The following MGAM variants were observed in gnomAD, a reference collection of about 807,000 sequenced individuals.
MGAM encodes maltase-glucoamylase.
In MGAM, 253 loss-of-function variants were observed where a neutral mutation model predicts 358.8. The observed-to-expected ratio is 0.71, with a 90% CI of 0.64 to 0.78. The LOEUF (loss-of-function observed/expected upper bound fraction) is 0.78, where lower values mean the gene tolerates loss of function less well. Ranked by LOEUF, MGAM falls within the 30% of genes least tolerant of loss-of-function variation. The probability of loss-of-function intolerance (pLI) is 0.00; values close to 1 mark genes in which losing one functional copy is unlikely to be tolerated. For synonymous variants in MGAM, 1,105 were observed against 1,227.1 expected (o/e 0.90, Z 2.08); for missense variants, 3,080 against 3,432.6 (o/e 0.90, Z 2.57).
rs1812442321 is a variant in MGAM, at chr7:142,063,589, A to G, written c.4345+3A>G. On this transcript the variant is annotated splice_donor_region_variant and intron_variant, in intron 36 of 70. Transcript: ENST00000475668. ...GAACCACCCTCCCTACATGCCACGT[A>G]AGAAGCCTTGGCCTCCTTGACTGGC... 6.2e-7 allele frequency: 1 copy of G among 1,613,022 alleles called. No homozygotes were observed. The highest frequency in any genetic ancestry group is 8.5e-7 in the Non-Finnish European group (1 of 1,179,434).
At position 142,099,722 on chromosome 7, in the gene MGAM, T is replaced by C; in HGVS notation, c.7859T>C (p.Leu2620Pro). The C allele has an allele frequency of 6.2e-7, 1 of 1,613,978 alleles. No individual in the cohort carries two copies. The highest frequency in any genetic ancestry group is 8.5e-7 in the Non-Finnish European group (1 of 1,179,874). The change falls in exon 67 of 71, where the codon CTG (leucine) becomes CCG (proline). Residue 2620 changes from leucine to proline, a missense_variant. Around this residue, in one of 5 missense-constraint regions of MGAM, gnomAD observed 194 missense variants for 172.8 expected, o/e 1.12. Transcript: ENST00000475668. ...ATCCTGCCCTGGCAAGAGCCTGCAC[T>C]GAACACCCACTTAAGGTAAGTGACA... ...GYILPWQEPA[L>P]NTHLSRQKFM...
At chr7:142,090,681 C>T (rs1224852097) in intron 57 of MGAM, among the ~76,000 whole-genome samples, 5 of 145,926 alleles carry the variant, frequency 3.4e-5, no homozygotes, top group Admixed American at 6.9e-5. Context: ...TCTGTTGCCT[C>T]CCCGAACCTC....
At chr7:142,050,576 A>T in intron 23 of MGAM, 121 bp from the exon 24 acceptor site, 2 of 1,060,494 alleles carry the variant, frequency 1.9e-6, no homozygotes, top group African/African-American at 1.6e-5. Flanking sequence ...ACTAGTAGAG[A>T]AAGCAGAGAG....
chr7:142,094,986 A>C, intron 63 of MGAM, 123 bp downstream of exon 63: 1 of 1,003,282 alleles, frequency 1.0e-6, no homozygotes, highest in Non-Finnish European at 1.4e-6. Context: ...TTCTTTTGAG[A>C]CAAAGACTCA....
chr7:142,040,913 G>A lies in MGAM; in HGVS notation c.2498+67G>A, dbSNP rs74797182. ...GCTTAAACCCTTTGAATTTCTTTTC[G>A]AAACACACTAACAGCCAGGTGGTCA... is the stretch of plus-strand genomic sequence containing the variant. On this transcript the variant is annotated intron_variant, in intron 21 of 70. Transcript: ENST00000475668. 6,761 of 1,519,838 alleles carry A rather than the reference G, an allele frequency of 4.4e-3. 259 individuals carry two copies. In the African/African-American group the frequency reaches 0.085, roughly 19 times the overall value. 94.1% of individuals were successfully genotyped at this position (1,519,838 alleles called of 1,614,324 possible). A position where few individuals can be genotyped will look rare whatever the true frequency, so the allele number is the denominator to read the frequency against.
chr7:142,068,571 C>A, intron 42 of MGAM, 76 bp from the exon 43 acceptor site: 1 of 1,172,038 alleles, frequency 8.5e-7, no homozygotes. Context: ...ATTATTTCAC[C>A]TCTTTCCTAA....
chr7:142,036,841 T>C lies in MGAM; in HGVS notation c.2095T>C (p.Phe699Leu). ...QGYKDQDPAS[F>L]GADSLLLNSS... ...CTCCCAGGACCAGGATCCTGCCTCCTTTGGAGCTGACTCCCTGCTGTTGAA... is the reference window on the plus strand; with the variant it reads ...CTCCCAGGACCAGGATCCTGCCTCCCTTGGAGCTGACTCCCTGCTGTTGAA... Residue 699 changes from phenylalanine (F) to leucine (L), a missense_variant, in exon 18 of 71, where the codon TTT (phenylalanine) becomes CTT (leucine). This residue lies in a region of MGAM where 1,816 missense variants were observed against 1,840.5 expected (regional missense o/e 0.99). Coordinates refer to ENST00000475668, the MANE Select transcript of MGAM (RefSeq NM_001365693.1). 1 of 1,613,534 alleles carries C rather than the reference T, an allele frequency of 6.2e-7. No individual in the cohort carries two copies.
chr7:141,992,018 C>T (rs1803969541), upstream of MGAM, among the ~76,000 whole-genome samples: 1 of 152,148 alleles, frequency 6.6e-6, no homozygotes, highest in Admixed American at 6.5e-5. Context: ...ACATGAATGA[C>T]TGCCTGCTAT....
At chr7:142,092,314 A>AT (rs372655904) in intron 58 of MGAM, among the ~76,000 whole-genome samples, 2,752 of 144,312 alleles carry the variant, frequency 0.019, 148 homozygotes, top group African/African-American at 0.063. Flanking sequence ...CTTGAGAGAG[A>AT]TTTTTTTTTA....
intron 1 of MGAM, chr7:142,004,632 A>G (rs1805005324): frequency 6.6e-6 from 1 of 152,098 alleles, no homozygotes; most frequent in Non-Finnish European, 1.5e-5. Context: ...CTTCACCACT[A>G]TGCATATACA....
rs1158276366 is a variant in MGAM, at chr7:142,080,134, G to A, written c.5848-657G>A. On this transcript the variant is annotated intron_variant, in intron 49 of 70. Transcript: ENST00000475668. ...TAATACTCTAGATTGTATTTCTCCT[G>A]GGAGACCATCTCAGTCTCCCAGAAA... is the stretch of plus-strand genomic sequence containing the variant. 1.4e-5 allele frequency among the ~76,000 whole-genome samples: 2 copies of A among 146,370 alleles called. 1 individual carries two copies. Among genetic ancestry groups the A allele is most frequent in the African/African-American group, 4.9e-5 (2 of 41,120 alleles).
intron 57 of MGAM, among the ~76,000 whole-genome samples, chr7:142,091,250 C>CAAAAAAAAAAAAAAAAA (rs34993763): frequency 1.2e-5 from 1 of 86,760 alleles, no homozygotes; most frequent in African/African-American, 4.1e-5. Flanking sequence ...GACTCTGTCT[C>CAAAAAAAAAAAAAAAAA]AAAAAAAAAA....
chr7:142,062,131 C>G (rs1404259428), intron 34 of MGAM, among the ~76,000 whole-genome samples: 1 of 152,122 alleles, frequency 6.6e-6, no homozygotes, highest in Non-Finnish European at 1.5e-5. Flanking sequence ...TTATTCCTTC[C>G]TCCCCTCTCT....
At chr7:142,045,979 A>G (rs1299649722) in intron 21 of MGAM, among the ~76,000 whole-genome samples, 1 of 131,436 alleles carries the variant, frequency 7.6e-6, no homozygotes, top group African/African-American at 2.8e-5. Context: ...TGTAATATAT[A>G]TTATGTATAC....
In MGAM at chr7:142,090,932, A is replaced by G. The variant is rs114801793; in HGVS notation, c.6811-981A>G. On this transcript the variant is annotated intron_variant, in intron 57 of 70. Transcript: ENST00000475668. ...AATATAAAACAAGCTTCTTGCTCTCAAAAGTCTACAATGTAGTTAAGAAGT... is the reference window on the plus strand; with the variant it reads ...AATATAAAACAAGCTTCTTGCTCTCGAAAGTCTACAATGTAGTTAAGAAGT... Among the ~76,000 whole-genome samples, 1,104 of 146,386 alleles carry G rather than the reference A, an allele frequency of 7.5e-3. 46 individuals are homozygous for G. The highest frequency in any genetic ancestry group is 0.025 in the African/African-American group (1,048 of 41,200).
intron 21 of MGAM, among the ~76,000 whole-genome samples, chr7:142,043,775 T>C (rs1194613315): frequency 3.6e-5 from 3 of 82,978 alleles, no homozygotes; most frequent in African/African-American, 1.1e-4. Flanking sequence ...ATATACATTA[T>C]ATACACATAC....
At chr7:142,007,730 A>T (rs1298582) in intron 2 of MGAM, among the ~76,000 whole-genome samples, 87,893 of 151,966 alleles carry the variant, frequency 0.58, 26,295 homozygotes, top group East Asian at 0.78. Context: ...TTCAAAGTTC[A>T]CTAGCCCTTA....
intron 64 of MGAM, chr7:142,095,938 T>A: frequency 1.4e-6 from 1 of 730,328 alleles, no homozygotes; most frequent in Non-Finnish European, 2.2e-6. Context: ...CAGTATAGCA[T>A]AGAATAATTT....
At chr7:142,093,342 T>G in intron 59 of MGAM, 70 bp from the exon 60 acceptor site, 4 of 1,469,008 alleles carry the variant, frequency 2.7e-6, no homozygotes, top group Non-Finnish European at 3.7e-6. Context: ...CAGGGCCCAG[T>G]CCCTTGAAGA....
Sources: allele counts gnomAD v4.1 joint callset (sites outside exome capture counted in the v4.1 genomes callset), GRCh38; gene constraint gnomAD v4.1.1; regional missense constraint gnomAD v4.1.1; transcripts MANE v1.5; gene names NCBI Gene and HGNC (gene_info 2026-07-23, HGNC 2026-07-21).